CRPPA: variants seen among roughly 807,000 people sequenced by gnomAD.
CRPPA encodes D-ribitol-5-phosphate cytidylyltransferase.
Under a neutral mutation model 52.0 loss-of-function variants are expected in CRPPA, and 43 were observed. That is an observed-to-expected ratio of 0.83 (90% CI 0.65 to 1.07). The LOEUF is 1.07. Ranked by LOEUF, CRPPA falls within the 50% of genes least tolerant of loss-of-function variation. The pLI is 0.00. For missense variants in CRPPA, 629 were observed against 551.7 expected, an observed-to-expected ratio of 1.14 and a Z score of -1.40; for synonymous variants, 250 against 203.5, an observed-to-expected ratio of 1.23 and a Z score of -1.94.
intron 6 of CRPPA, among the ~76,000 whole-genome samples, chr7:16,276,362 A>C (rs955784482): frequency 5.3e-5 from 8 of 152,226 alleles, no homozygotes; most frequent in African/African-American, 1.9e-4. Flanking sequence ...AGAAAACTGT[A>C]GTAAAACAAA....
chr7:16,407,037 A>G (rs909961249), intron 1 of CRPPA, among the ~76,000 whole-genome samples: 2 of 152,204 alleles, frequency 1.3e-5, no homozygotes. Flanking sequence ...ATACAGTGGC[A>G]CCATCTCAGT....
chr7:16,353,430 G>T (rs760357953), intron 3 of CRPPA, among the ~76,000 whole-genome samples: 5 of 152,158 alleles, frequency 3.3e-5, no homozygotes, highest in African/African-American at 7.2e-5. Context: ...GAGGCTGGAA[G>T]GGTGAGATGT....
chr7:16,343,990 A>G (rs529273962), intron 3 of CRPPA, among the ~76,000 whole-genome samples: 11 of 152,350 alleles, frequency 7.2e-5, no homozygotes, highest in South Asian at 4.1e-4. Flanking sequence ...CTGACCATCA[A>G]GCTAATCTAG....
At chr7:16,174,767 G>A (rs185735346) in intron 9 of CRPPA, among the ~76,000 whole-genome samples, 1 of 152,040 alleles carries the variant, frequency 6.6e-6, no homozygotes, top group East Asian at 1.9e-4. Context: ...AATGGATTCT[G>A]AATTATTTAG....
chr7:16,316,731 C>T (rs1445039727), intron 3 of CRPPA, among the ~76,000 whole-genome samples: 1 of 152,020 alleles, frequency 6.6e-6, no homozygotes, highest in Non-Finnish European at 1.5e-5. Flanking sequence ...GGGGTGCGTT[C>T]CTGTAGTCCA....
chr7:16,254,885 T>A (rs1380456995), intron 8 of CRPPA, among the ~76,000 whole-genome samples: 1 of 151,186 alleles, frequency 6.6e-6, no homozygotes, highest in African/African-American at 2.4e-5. Flanking sequence ...AGGCACAAGA[T>A]AAGGATGCCC....
At chr7:16,370,159 G>A (rs1786712025) in intron 3 of CRPPA, among the ~76,000 whole-genome samples, 1 of 152,198 alleles carries the variant, frequency 6.6e-6, no homozygotes, top group South Asian at 2.1e-4. Context: ...GGGTTGCAGG[G>A]TGAAAGAAGC....
chr7:16,285,502 T>A (rs191799451), intron 5 of CRPPA, among the ~76,000 whole-genome samples: 13 of 152,272 alleles, frequency 8.5e-5, no homozygotes, highest in African/African-American at 2.9e-4. Context: ...AATTTCAACA[T>A]ATACTCTGAT....
At chr7:16,224,736 G>A (rs1005740558) in intron 8 of CRPPA, among the ~76,000 whole-genome samples, 4 of 151,992 alleles carry the variant, frequency 2.6e-5, no homozygotes, top group African/African-American at 7.2e-5. Context: ...GACACCAGCC[G>A]ATACTAAACA....
intron 8 of CRPPA, among the ~76,000 whole-genome samples, chr7:16,218,096 G>A (rs564828147): frequency 1.5e-4 from 23 of 152,232 alleles, no homozygotes; most frequent in Non-Finnish European, 2.4e-4. Flanking sequence ...AGATCTCTCC[G>A]CAGAAACCCT....
intron 8 of CRPPA, among the ~76,000 whole-genome samples, chr7:16,245,919 A>G (rs1401906668): frequency 1.3e-5 from 2 of 152,034 alleles, no homozygotes; most frequent in East Asian, 1.9e-4. Flanking sequence ...AGCGAGTCCT[A>G]ATCTTTTTGC....
chr7:16,286,019 T>TAAAAA (rs1562608190), intron 5 of CRPPA, among the ~76,000 whole-genome samples: 2 of 15,060 alleles, frequency 1.3e-4, no homozygotes, highest in African/African-American at 7.0e-4. Context: ...AAACTCCATC[T>TAAAAA]CAAAAAAAAA....
chr7:16,238,264 G>C (rs982653479), intron 8 of CRPPA, among the ~76,000 whole-genome samples: 2 of 152,006 alleles, frequency 1.3e-5, no homozygotes, highest in African/African-American at 4.8e-5. Flanking sequence ...GCTCCATGTA[G>C]GCCAAAATAT....
At chr7:16,362,090 G>A (rs981133478) in intron 3 of CRPPA, among the ~76,000 whole-genome samples, 3 of 152,102 alleles carry the variant, frequency 2.0e-5, no homozygotes, top group Non-Finnish European at 2.9e-5. Context: ...TCCTGACCTC[G>A]TGATCCGCCC....
At chr7:16,320,583 C>T (rs995452625) in intron 3 of CRPPA, among the ~76,000 whole-genome samples, 3 of 152,072 alleles carry the variant, frequency 2.0e-5, no homozygotes, top group Admixed American at 6.6e-5. Flanking sequence ...GTTTGCCCAA[C>T]CAAGAACAAT....
At chr7:16,279,440 G>T (rs1346614777) in intron 5 of CRPPA, among the ~76,000 whole-genome samples, 1 of 152,174 alleles carries the variant, frequency 6.6e-6, no homozygotes, top group African/African-American at 2.4e-5. Context: ...GGTTCAGGAA[G>T]CTTGAATTCA....
chr7:16,213,387 T>C lies in CRPPA; in HGVS notation c.1251+2679A>G, dbSNP rs558446137. Among the ~76,000 whole-genome samples the C allele has an allele frequency of 7.5e-5, 11 of 146,240 alleles. No homozygotes were observed. The East Asian group carries it at 2.3e-3, about 31-fold the overall frequency. On this transcript the variant is annotated intron_variant, in intron 9 of 9. Transcript: ENST00000407010. ...GTTACCAAAAAATTTCATTTTATTG[T>C]TCCATATCCTGTTTTGGGGACTTAT...
chr7:16,101,173 C>T (rs1451162656), intron 9 of CRPPA, among the ~76,000 whole-genome samples: 1 of 152,078 alleles, frequency 6.6e-6, no homozygotes, highest in Non-Finnish European at 1.5e-5. Context: ...CTCATAAAAT[C>T]AGTTAGGGAG....
intron 9 of CRPPA, among the ~76,000 whole-genome samples, chr7:16,107,205 C>A (rs78266118): frequency 0.036 from 5,529 of 152,120 alleles, 335 homozygotes; most frequent in African/African-American, 0.12. Context: ...ACAAAAACAT[C>A]TTCAAAGAAA....
Sources: gnomAD v4.1 joint callset for allele counts (sites outside exome capture counted in the v4.1 genomes callset) on GRCh38, gnomAD v4.1.1 for gene constraint, MANE v1.5 for transcripts, NCBI Gene and HGNC (gene_info 2026-07-23, HGNC 2026-07-21) for gene names.